Variants in FAT3 observed in about 807,000 individuals in gnomAD.
The protein encoded by FAT3 is protocadherin Fat 3.
A neutral mutation model predicts 310.2 loss-of-function variants in FAT3; 95 were observed. The ratio of observed to expected loss-of-function variants is 0.31; its 90% CI spans 0.26 to 0.36. The LOEUF is 0.36. Ranked by LOEUF, FAT3 falls within the 10% of genes least tolerant of loss-of-function variation. The pLI, the probability that FAT3 is intolerant of heterozygous loss-of-function variation, is 1.00. For missense variants in FAT3, 5,408 were observed against 5,715.6 expected (o/e 0.95, Z 1.74); for synonymous variants, 2,314 against 2,192.9 (o/e 1.06, Z -1.54).
chr11:92,889,989 T>C (rs1202405418), intron 27 of FAT3, 98 bp downstream of exon 27: 1 of 717,042 alleles, frequency 1.4e-6, no homozygotes, highest in Non-Finnish European at 2.6e-6. Context: ...CTGATCTGAA[T>C]TTTGCATGTC....
Position 92,572,420 on chromosome 11 carries a change from C to T in FAT3, c.3607+47472C>T, listed in dbSNP as rs182922726. On this transcript the variant is annotated intron_variant, in intron 3 of 27. Coordinates refer to ENST00000525166, the MANE Select transcript of FAT3 (RefSeq NM_001367949.2). ...AGTGAAATGAACACTATGGATAGTT[C>T]GATATTTTCTCACCCACACACTAAA... 6.6e-5 allele frequency among the ~76,000 whole-genome samples: 10 copies of T among 152,142 alleles called. No homozygotes were observed. The East Asian group carries it at 1.4e-3, about 21-fold the overall frequency.
chr11:92,757,016 C>A (rs1440633294), intron 4 of FAT3, among the ~76,000 whole-genome samples: 1 of 150,698 alleles, frequency 6.6e-6, no homozygotes. Context: ...CCTCCGCCTC[C>A]CGGGTTCAAG....
At chr11:92,671,746 C>T (rs1943134933) in intron 3 of FAT3, among the ~76,000 whole-genome samples, 1 of 152,110 alleles carries the variant, frequency 6.6e-6, no homozygotes, top group East Asian at 1.9e-4. Context: ...CATTATATCC[C>T]TTTACATTTG....
At chr11:92,409,714 A>G (rs1339744579) in intron 2 of FAT3, among the ~76,000 whole-genome samples, 4 of 152,180 alleles carry the variant, frequency 2.6e-5, no homozygotes, top group Non-Finnish European at 2.9e-5. Context: ...TCAGTTCCAT[A>G]AGATAATGAC....
intron 2 of FAT3, among the ~76,000 whole-genome samples, chr11:92,393,248 GTGTGTGTATGCACACACACTCA>G (rs762348595): frequency 6.6e-6 from 1 of 151,964 alleles, no homozygotes; most frequent in African/African-American, 2.4e-5. Context: ...GTGTGCCTGA[GTGTGTGTATGCACACACACTCA>G]TGTGTGTCTC....
intron 3 of FAT3, among the ~76,000 whole-genome samples, chr11:92,621,943 TAAC>T (rs1941105997): frequency 6.6e-6 from 1 of 152,174 alleles, no homozygotes; most frequent in Non-Finnish European, 1.5e-5. Context: ...ATCTACATTT[TAAC>T]AACCCACGTA....
rs565933792 is a variant in FAT3 at position 92,340,570 on chromosome 11, T to G, written c.-17-11526T>G. ...TGATACCAGGATCCCAAAGAGGGGATTGGAGGAGCAAAACAAGCTGATTGT... is the reference window on the plus strand; with the variant it reads ...TGATACCAGGATCCCAAAGAGGGGAGTGGAGGAGCAAAACAAGCTGATTGT... On this transcript the variant is annotated intron_variant, in intron 1 of 27. Coordinates refer to ENST00000525166, the MANE Select transcript of FAT3 (RefSeq NM_001367949.2). Among the ~76,000 whole-genome samples, 5 of 152,228 alleles carry G rather than the reference T, an allele frequency of 3.3e-5. No homozygotes were observed. In the South Asian group the frequency reaches 1.0e-3, roughly 32 times the overall value.
At chr11:92,463,548 G>A (rs1411760881) in intron 2 of FAT3, among the ~76,000 whole-genome samples, 1 of 152,128 alleles carries the variant, frequency 6.6e-6, no homozygotes, top group Admixed American at 6.5e-5. Flanking sequence ...GCACTATTTA[G>A]CATAGTGACT....
At chr11:92,694,363 C>T (rs1340123098) in intron 3 of FAT3, among the ~76,000 whole-genome samples, 2 of 152,192 alleles carry the variant, frequency 1.3e-5, no homozygotes, top group African/African-American at 4.8e-5. Context: ...TCTTTTTACT[C>T]CAGGAACAGA....
chr11:92,844,071 G>A lies in FAT3; in HGVS notation c.10704G>A (p.Gly3568=), dbSNP rs752768403. Reference sequence around the variant, plus strand: ...CCATGGAGGATGACTTTCCTGGTGGGGTCATTGGGAAGATTCATGCCACAG... The same window carrying A: ...CCATGGAGGATGACTTTCCTGGTGGAGTCATTGGGAAGATTCATGCCACAG... ...IVTMEDDFPG[G]VIGKIHATDQ... is the part of the protein sequence containing the mutation. Residue 3568 remains glycine (G), a synonymous_variant, in exon 19 of 28, where the codon GGG becomes GGA. Transcript: ENST00000525166. 3 of 1,613,946 alleles carry A rather than the reference G, an allele frequency of 1.9e-6. No homozygotes were observed. The South Asian group carries it at 3.3e-5, about 18-fold the overall frequency.
chr11:92,477,777 T>G (rs940570735), intron 2 of FAT3, among the ~76,000 whole-genome samples: 5 of 152,242 alleles, frequency 3.3e-5, no homozygotes, highest in African/African-American at 1.2e-4. Context: ...CACTGATTTT[T>G]TCTATGTCTG....
intron 13 of FAT3, among the ~76,000 whole-genome samples, chr11:92,814,171 A>C (rs1947757985): frequency 6.6e-6 from 1 of 152,198 alleles, no homozygotes; most frequent in Non-Finnish European, 1.5e-5. Context: ...TAAATTACGA[A>C]GTCTCAGGTA....
At chr11:92,866,606 AT>A in intron 21 of FAT3, 134 bp from the exon 22 acceptor site, 1 of 755,090 alleles carries the variant, frequency 1.3e-6, no homozygotes, top group Non-Finnish European at 2.1e-6. Context: ...ACCACAACAG[AT>A]TTATGAGTAG....
intron 3 of FAT3, among the ~76,000 whole-genome samples, chr11:92,594,276 C>G (rs993906763): frequency 6.6e-6 from 1 of 152,156 alleles, no homozygotes; most frequent in Admixed American, 6.5e-5. Context: ...AACCCTGTCT[C>G]TACTAAAATT....
At chr11:92,268,614 A>G (rs1946033577) in intron 1 of FAT3, among the ~76,000 whole-genome samples, 1 of 152,116 alleles carries the variant, frequency 6.6e-6, no homozygotes, top group East Asian at 1.9e-4. Context: ...ACACATCACT[A>G]ACTTAATTTT....
intron 3 of FAT3, among the ~76,000 whole-genome samples, chr11:92,567,025 A>T (rs1025491134): frequency 4.6e-5 from 7 of 152,200 alleles, no homozygotes; most frequent in African/African-American, 7.2e-5. Flanking sequence ...ACAAAAGCCA[A>T]AATTGACAAA....
Position 92,810,055 on chromosome 11 carries a change from C to A in FAT3, c.9460C>A (p.Gln3154Lys), listed in dbSNP as rs546668555. 1 of 1,613,754 alleles carries A rather than the reference C, an allele frequency of 6.2e-7. No homozygotes were observed. The highest frequency in any genetic ancestry group is 8.5e-7 in the Non-Finnish European group (1 of 1,179,804). ...CACCAAGGCTCTGTTGACCAGAGTT[C>A]AAGCCGTGGACCCCGACATTGGTAA... Reference protein sequence around the residue: ...TATKALLTRVQAVDPDIGINR... With the variant: ...TATKALLTRVKAVDPDIGINR... Residue 3154 changes from glutamine (Q) to lysine (K), a missense_variant, in exon 13 of 28, where the codon CAA becomes AAA. Physicochemically the swap from Gln to Lys is moderately conservative, Grantham distance 53. Around this residue, in one of 5 missense-constraint regions of FAT3, gnomAD observed 4,588 missense variants for 4,809.8 expected, o/e 0.95. Coordinates refer to ENST00000525166, the MANE Select transcript of FAT3 (RefSeq NM_001367949.2).
intron 1 of FAT3, among the ~76,000 whole-genome samples, chr11:92,277,594 A>T (rs951477899): frequency 3.3e-5 from 5 of 152,178 alleles, no homozygotes; most frequent in African/African-American, 1.2e-4. Context: ...CCTAAGTGAG[A>T]TAACACAGGA....
At chr11:92,399,398 C>A (rs1327864358) in intron 2 of FAT3, among the ~76,000 whole-genome samples, 2 of 152,088 alleles carry the variant, frequency 1.3e-5, no homozygotes, top group African/African-American at 4.8e-5. Flanking sequence ...TAATGATATT[C>A]CTGTAAAATT....
Sources: allele counts gnomAD v4.1 joint callset (sites outside exome capture counted in the v4.1 genomes callset), GRCh38; gene constraint gnomAD v4.1.1; regional missense constraint gnomAD v4.1.1; transcripts MANE v1.5; gene names NCBI Gene and HGNC (gene_info 2026-07-23, HGNC 2026-07-21).